Variants in AGBL4 observed in about 807,000 individuals in gnomAD.
The protein encoded by AGBL4 is AGBL carboxypeptidase 4.
AGBL4 carries 58 observed loss-of-function variants against 66.4 expected under a neutral mutation model. That is an observed-to-expected ratio of 0.87 (90% CI 0.71 to 1.09). The LOEUF is 1.09. AGBL4 is among the 50% of genes least tolerant of loss of function. The probability of loss-of-function intolerance (pLI) is 0.00; values close to 1 mark genes in which losing one functional copy is unlikely to be tolerated. For missense variants in AGBL4, 579 were observed against 631.0 expected (o/e 0.92, Z 0.88); for synonymous variants, 234 against 222.9 (o/e 1.05, Z -0.44).
At chr1:49,169,855 C>T (rs1646701893) in intron 4 of AGBL4, among the ~76,000 whole-genome samples, 1 of 152,148 alleles carries the variant, frequency 6.6e-6, no homozygotes, top group South Asian at 2.1e-4. Flanking sequence ...TAAAGACAAA[C>T]CCCATGCCTT....
chr1:49,408,144 G>A (rs1247417548), intron 3 of AGBL4, among the ~76,000 whole-genome samples: 1 of 152,140 alleles, frequency 6.6e-6, no homozygotes, highest in African/African-American at 2.4e-5. Flanking sequence ...CCTCAGGTAA[G>A]AGATTGCTTC....
At chr1:49,470,434 A>G (rs1646718885) in intron 3 of AGBL4, among the ~76,000 whole-genome samples, 1 of 151,982 alleles carries the variant, frequency 6.6e-6, no homozygotes, top group African/African-American at 2.4e-5. Context: ...CCTCTAAACA[A>G]TAAGATAGAT....
chr1:49,583,209 A>G (rs1435936637), intron 3 of AGBL4, among the ~76,000 whole-genome samples: 3 of 152,172 alleles, frequency 2.0e-5, no homozygotes, highest in Non-Finnish European at 2.9e-5. Context: ...AAGGCTGCTT[A>G]CCAGCTTAAC....
chr1:49,591,790 T>C (rs1437314080), intron 3 of AGBL4, among the ~76,000 whole-genome samples: 1 of 152,086 alleles, frequency 6.6e-6, no homozygotes, highest in Non-Finnish European at 1.5e-5. Context: ...GCTGCACACC[T>C]ACAACCATCT....
chr1:48,662,996 T>A (rs1340728058), intron 7 of AGBL4, among the ~76,000 whole-genome samples, 156 bp downstream of exon 7: 1 of 152,226 alleles, frequency 6.6e-6, no homozygotes, highest in African/African-American at 2.4e-5. Flanking sequence ...TTTATTGAAA[T>A]AAAACCTAAT....
intron 1 of AGBL4, among the ~76,000 whole-genome samples, chr1:49,936,539 A>T (rs1457464845): frequency 4.0e-5 from 6 of 151,792 alleles, no homozygotes; most frequent in Admixed American, 2.0e-4. Flanking sequence ...TAATTGTCAG[A>T]TTCACCAAAG....
At chr1:49,147,744 A>G (rs1343480635) in intron 4 of AGBL4, among the ~76,000 whole-genome samples, 1 of 152,164 alleles carries the variant, frequency 6.6e-6, no homozygotes, top group African/African-American at 2.4e-5. Context: ...GTTGATGTAT[A>G]AATGAAATTA....
chr1:49,530,419 C>T (rs1452725497), intron 3 of AGBL4, among the ~76,000 whole-genome samples: 1 of 151,816 alleles, frequency 6.6e-6, no homozygotes, highest in Non-Finnish European at 1.5e-5. Context: ...TTAGGTATAT[C>T]TCTTAATGCT....
intron 1 of AGBL4, among the ~76,000 whole-genome samples, chr1:49,968,544 A>G (rs1657768306): frequency 6.6e-6 from 1 of 152,150 alleles, no homozygotes; most frequent in African/African-American, 2.4e-5. Flanking sequence ...ATCCATTTTT[A>G]CCTTCTTTCT....
intron 4 of AGBL4, among the ~76,000 whole-genome samples, chr1:49,219,807 A>G (rs896094937): frequency 6.6e-6 from 1 of 152,186 alleles, no homozygotes; most frequent in Non-Finnish European, 1.5e-5. Context: ...CTCCTTTGAC[A>G]TAGTGCTAAG....
intron 4 of AGBL4, among the ~76,000 whole-genome samples, chr1:49,138,826 A>C (rs574617866): frequency 6.6e-6 from 1 of 152,292 alleles, no homozygotes; most frequent in South Asian, 2.1e-4. Flanking sequence ...AGGAATCAGG[A>C]GTTCAGGCAC....
chr1:48,910,196 C>CT lies in AGBL4; in HGVS notation c.595-42967dup, dbSNP rs1652966760. On this transcript the variant is annotated intron_variant, in intron 5 of 13. Transcript: ENST00000371839. ...CTGGATTCCACACAGATGAGGCTGACTGAAAGGCAACCCTGACTATATTAA... is the reference window on the plus strand; with the variant it reads ...CTGGATTCCACACAGATGAGGCTGACTTGAAAGGCAACCCTGACTATATTAA... 4.6e-5 allele frequency among the ~76,000 whole-genome samples: 7 copies of CT among 152,302 alleles called. No individual in the cohort carries two copies. The East Asian group carries it at 9.6e-4, about 21-fold the overall frequency.
intron 2 of AGBL4, among the ~76,000 whole-genome samples, chr1:49,735,329 G>A (rs549367298): frequency 7.0e-4 from 104 of 148,294 alleles, no homozygotes; most frequent in African/African-American, 2.6e-3. Context: ...GTGTGTGTGT[G>A]TGTGTAGAGA....
intron 5 of AGBL4, among the ~76,000 whole-genome samples, chr1:48,892,739 C>A (rs1651094236): frequency 6.6e-6 from 1 of 152,166 alleles, no homozygotes; most frequent in Non-Finnish European, 1.5e-5. Flanking sequence ...GAATGGGAGG[C>A]AGGTTTGCCC....
intron 6 of AGBL4, among the ~76,000 whole-genome samples, chr1:48,718,466 C>G (rs1299513881): frequency 6.6e-6 from 1 of 152,230 alleles, no homozygotes. Context: ...TAAAGACCCA[C>G]TGGAAAAAAG....
chr1:48,626,640 C>G (rs539810189), intron 9 of AGBL4, among the ~76,000 whole-genome samples: 1 of 151,802 alleles, frequency 6.6e-6, no homozygotes, highest in Non-Finnish European at 1.5e-5. Flanking sequence ...AGTAAAGTCC[C>G]GGAGAGGGTA....
chr1:49,790,511 T>C (rs901514930), intron 2 of AGBL4, among the ~76,000 whole-genome samples: 4 of 151,984 alleles, frequency 2.6e-5, no homozygotes, highest in Non-Finnish European at 4.4e-5. Context: ...AAAACAGATA[T>C]ACTGCCTGCA....
chr1:49,019,919 G>A (rs960348328), intron 5 of AGBL4, among the ~76,000 whole-genome samples: 3 of 152,196 alleles, frequency 2.0e-5, no homozygotes, highest in Admixed American at 1.3e-4. Flanking sequence ...AAGGGCGCAC[G>A]CTTTAAAAGG....
chr1:49,257,082 A>G (rs968002720), intron 3 of AGBL4, among the ~76,000 whole-genome samples: 8 of 152,132 alleles, frequency 5.3e-5, no homozygotes, highest in Non-Finnish European at 1.2e-4. Context: ...ATTATGAAGG[A>G]AAAGATAGAC....
Sources: gnomAD v4.1 joint callset for allele counts (sites outside exome capture counted in the v4.1 genomes callset) on GRCh38, gnomAD v4.1.1 for gene constraint, MANE v1.5 for transcripts, NCBI Gene and HGNC (gene_info 2026-07-23, HGNC 2026-07-21) for gene names.